MTA3: variants seen among roughly 807,000 people sequenced by gnomAD.
The protein encoded by MTA3 is metastasis associated 1 family member 3, also known as metastasis-associated protein MTA3.
Under a neutral mutation model 83.5 loss-of-function variants are expected in MTA3, and 34 were observed. The observed-to-expected ratio is 0.41, with a 90% CI of 0.31 to 0.54. MTA3 has a LOEUF of 0.54. Among genes scored for constraint, MTA3 ranks in the 20% least tolerant of loss-of-function variants. The pLI, the probability that MTA3 is intolerant of heterozygous loss-of-function variation, is 0.33. For synonymous variants in MTA3, 303 were observed against 252.7 expected (o/e 1.20, Z -1.89); for missense variants, 761 against 726.4 (o/e 1.05, Z -0.55).
At chr2:42,722,620 C>T (rs951485483) in intron 15 of MTA3, among the ~76,000 whole-genome samples, 1 of 152,096 alleles carries the variant, frequency 6.6e-6, no homozygotes, top group African/African-American at 2.4e-5. Context: ...TGTATGTGAC[C>T]TTCTGAAGTG....
intron 4 of MTA3, among the ~76,000 whole-genome samples, chr2:42,612,624 GCCAAGGCAGGTGGATC>G (rs905073411): frequency 1.3e-5 from 2 of 152,174 alleles, no homozygotes; most frequent in African/African-American, 4.8e-5. Flanking sequence ...CACTTTGTGA[GCCAAGGCAGGTGGATC>G]CCTTTAGGTC....
intron 12 of MTA3, among the ~76,000 whole-genome samples, chr2:42,705,905 T>G (rs1345534863): frequency 6.6e-6 from 1 of 152,240 alleles, no homozygotes; most frequent in Non-Finnish European, 1.5e-5. Flanking sequence ...TACAGAGAGA[T>G]AGAACTTGAT....
At chr2:42,509,909 AG>A (rs1674818297) in intron 2 of MTA3, among the ~76,000 whole-genome samples, 1 of 152,112 alleles carries the variant, frequency 6.6e-6, no homozygotes, top group South Asian at 2.1e-4. Flanking sequence ...TGACCAACTT[AG>A]GAAATCTAGG....
At chr2:42,708,689 A>T (rs758766034) in intron 13 of MTA3, among the ~76,000 whole-genome samples, 185 bp from the exon 14 acceptor site, 2 of 151,612 alleles carry the variant, frequency 1.3e-5, no homozygotes, top group Non-Finnish European at 2.9e-5. Context: ...TCCCTTCTCT[A>T]CTCCCCACCT....
At chr2:42,685,759 A>C (rs920430317) in intron 9 of MTA3, among the ~76,000 whole-genome samples, 3 of 152,190 alleles carry the variant, frequency 2.0e-5, no homozygotes, top group Non-Finnish European at 2.9e-5. Context: ...CAAACCCTTA[A>C]AATAAACAGG....
intron 2 of MTA3, among the ~76,000 whole-genome samples, chr2:42,516,351 C>T (rs1008220723): frequency 3.3e-5 from 5 of 152,174 alleles, no homozygotes; most frequent in Non-Finnish European, 7.3e-5. Flanking sequence ...AATACTGCAA[C>T]GTTTTCCTTG....
At chr2:42,606,959 T>C (rs1214621431) in intron 3 of MTA3, among the ~76,000 whole-genome samples, 2 of 150,226 alleles carry the variant, frequency 1.3e-5, no homozygotes, top group African/African-American at 2.5e-5. Flanking sequence ...ATCGCAGGCA[T>C]TCGGCAGACT....
intron 4 of MTA3, among the ~76,000 whole-genome samples, chr2:42,617,304 G>T (rs1242195472): frequency 6.6e-6 from 1 of 152,120 alleles, no homozygotes; most frequent in African/African-American, 2.4e-5. Flanking sequence ...TGATCTTACA[G>T]AACTTCTCAC....
At chr2:42,517,031 G>A (rs146195340) in intron 2 of MTA3, among the ~76,000 whole-genome samples, 2,228 of 150,468 alleles carry the variant, frequency 0.015, 45 homozygotes, top group African/African-American at 0.051. Context: ...AGGCCGAGGC[G>A]GGCAGATCAC....
chr2:42,582,345 A>C (rs1227044996), intron 3 of MTA3, among the ~76,000 whole-genome samples: 3 of 152,252 alleles, frequency 2.0e-5, no homozygotes, highest in Admixed American at 6.5e-5. Context: ...GGCGTGAGCC[A>C]CTGCGCCCAG....
At chr2:42,501,058 C>T (rs528814346) in intron 2 of MTA3, among the ~76,000 whole-genome samples, 73 of 152,202 alleles carry the variant, frequency 4.8e-4, no homozygotes, top group Non-Finnish European at 9.3e-4. Flanking sequence ...GACCTGCCCA[C>T]CTCCGCCTCC....
chr2:42,645,226 T>TAA (rs113085756), intron 6 of MTA3, among the ~76,000 whole-genome samples: 2 of 104,546 alleles, frequency 1.9e-5, no homozygotes, highest in African/African-American at 7.1e-5. Flanking sequence ...ACATGAATGA[T>TAA]AAAAAAAAGC....
intron 16 of MTA3, among the ~76,000 whole-genome samples, chr2:42,751,477 A>G (rs1669866054): frequency 6.6e-6 from 1 of 152,178 alleles, no homozygotes; most frequent in Non-Finnish European, 1.5e-5. Flanking sequence ...GCTCCAAGGA[A>G]ATGCAGAGGA....
At chr2:42,597,988 T>C (rs1682039217) in intron 3 of MTA3, among the ~76,000 whole-genome samples, 1 of 149,360 alleles carries the variant, frequency 6.7e-6, no homozygotes, top group African/African-American at 2.5e-5. Context: ...GGCCAAGTTA[T>C]CTTTTTAAAA....
chr2:42,724,868 A>T (rs557085705), intron 16 of MTA3, among the ~76,000 whole-genome samples: 1 of 152,286 alleles, frequency 6.6e-6, no homozygotes, highest in Non-Finnish European at 1.5e-5. Context: ...TTCCCTCTGA[A>T]TGAATGCTGC....
chr2:42,668,979 T>C (rs1261347338), intron 8 of MTA3, among the ~76,000 whole-genome samples: 1 of 152,174 alleles, frequency 6.6e-6, no homozygotes, highest in Non-Finnish European at 1.5e-5. Flanking sequence ...ATGCTAGCCA[T>C]CAATCACGTA....
intron 4 of MTA3, among the ~76,000 whole-genome samples, chr2:42,619,564 C>T (rs1685297217): frequency 6.6e-6 from 1 of 152,088 alleles, no homozygotes; most frequent in Non-Finnish European, 1.5e-5. Flanking sequence ...TGGGATATAT[C>T]ATTACAATAT....
At chr2:42,537,940 T>G (rs1223318731) in intron 2 of MTA3, among the ~76,000 whole-genome samples, 13 of 152,210 alleles carry the variant, frequency 8.5e-5, no homozygotes, top group Admixed American at 7.2e-4. Flanking sequence ...ACAATGATAA[T>G]TTTGACAATA....
chr2:42,674,382 C>A (rs1482991072), intron 8 of MTA3, among the ~76,000 whole-genome samples: 1 of 152,200 alleles, frequency 6.6e-6, no homozygotes, highest in Non-Finnish European at 1.5e-5. Context: ...TAAAATACTT[C>A]TTTTTGTCAT....
Sources: gnomAD v4.1 joint callset for allele counts (sites outside exome capture counted in the v4.1 genomes callset) on GRCh38, gnomAD v4.1.1 for gene constraint, MANE v1.5 for transcripts, NCBI Gene and HGNC (gene_info 2026-07-23, HGNC 2026-07-21) for gene names.